UGGT2: variants seen among roughly 807,000 people sequenced by gnomAD.
The protein encoded by UGGT2 is UDP-glucose glycoprotein glucosyltransferase 2.
UGGT2 carries 180 observed loss-of-function variants against 192.1 expected under a neutral mutation model. That is an observed-to-expected ratio of 0.94 (90% confidence interval 0.83 to 1.06). The LOEUF is 1.06. UGGT2 is among the 50% of genes least tolerant of loss of function. The pLI is 0.00. For synonymous variants in UGGT2, 580 were observed against 591.0 expected, an observed-to-expected ratio of 0.98 and a Z score of 0.27; for missense variants, 1,849 against 1,795.7, an observed-to-expected ratio of 1.03 and a Z score of -0.54.
intron 12 of UGGT2, among the ~76,000 whole-genome samples, chr13:95,961,006 A>G (rs1192934742): frequency 6.6e-6 from 1 of 152,226 alleles, no homozygotes; most frequent in African/African-American, 2.4e-5. Context: ...ATTCTTCACC[A>G]CTAGACCAGC....
intron 12 of UGGT2, among the ~76,000 whole-genome samples, chr13:95,968,358 C>T (rs1301379566): frequency 2.0e-5 from 3 of 152,046 alleles, no homozygotes; most frequent in East Asian, 1.9e-4. Flanking sequence ...GCTAAGTATA[C>T]GAATGGATTA....
chr13:95,877,811 G>C lies in UGGT2; in HGVS notation c.3274C>G (p.Leu1092Val), dbSNP rs2047384522. The change falls in exon 28 of 39, where the codon CTG becomes GTG. Residue 1092 changes from leucine to valine, a missense_variant. Physicochemically the swap from Leu to Val is conservative, Grantham distance 32. Coordinates refer to ENST00000376747, the MANE Select transcript of UGGT2 (RefSeq NM_020121.4). ...TAEYELEYLL[L>V]EGQCFDKVTE... ...ACTTTATCAAAGCATTGTCCTTCCA[G>C]TAGTAAGTATTCTAGTTCATATTCT... The C allele has an allele frequency of 6.2e-7, 1 of 1,613,962 alleles. No individual in the cohort carries two copies.
chr13:95,950,588 G>C (rs111679627), intron 12 of UGGT2, among the ~76,000 whole-genome samples: 2,848 of 37,746 alleles, frequency 0.075, 99 homozygotes, highest in African/African-American at 0.18. Context: ...ATATTGAAAT[G>C]AAACAGGAAA....
rs1167504149 is a variant in UGGT2, at chr13:95,927,327, T to G, written c.1987A>C (p.Asn663His). 3 of 1,602,362 alleles carry G rather than the reference T, an allele frequency of 1.9e-6. No individual in the cohort carries two copies. The Admixed American group carries it at 5.3e-5, about 28-fold the overall frequency. ...AAATCAATTGCATTCGTGCGATCATTTAATGTGCCCTAAAAAAACAAAAAT... is the reference window on the plus strand; with the variant it reads ...AAATCAATTGCATTCGTGCGATCATGTAATGTGCCCTAAAAAAACAAAAAT... Reference protein sequence around the residue: ...LQREVFLGTLNDRTNAIDFLM... With the variant: ...LQREVFLGTLHDRTNAIDFLM... The change falls in exon 18 of 39, where the codon AAT becomes CAT. Residue 663 changes from asparagine to histidine, a missense_variant. By Grantham distance (68) the Asn-to-His change is moderately conservative. Transcript: ENST00000376747.
At chr13:96,023,896 G>T in intron 2 of UGGT2, 137 bp from the exon 3 acceptor site, 1 of 628,574 alleles carries the variant, frequency 1.6e-6, no homozygotes, top group African/African-American at 1.9e-5. Flanking sequence ...GAGAAAAATG[G>T]AAAAATCAAG....
At chr13:96,009,898 A>G (rs567762707) in intron 5 of UGGT2, among the ~76,000 whole-genome samples, 1 of 152,202 alleles carries the variant, frequency 6.6e-6, no homozygotes, top group African/African-American at 2.4e-5. Context: ...AAATATGCTC[A>G]ATATTACTAA....
chr13:95,956,209 C>G (rs2050207165), intron 12 of UGGT2, among the ~76,000 whole-genome samples: 1 of 152,016 alleles, frequency 6.6e-6, no homozygotes, highest in African/African-American at 2.4e-5. Context: ...AGAATAAGGA[C>G]AGACATACAG....
chr13:95,975,062 T>C (rs187161134), intron 10 of UGGT2, among the ~76,000 whole-genome samples: 173 of 152,186 alleles, frequency 1.1e-3, no homozygotes, highest in Non-Finnish European at 2.0e-3. Context: ...TCCTGGATGA[T>C]AGAGCGATAC....
intron 4 of UGGT2, among the ~76,000 whole-genome samples, chr13:96,017,941 T>C (rs553981962): frequency 1.3e-5 from 2 of 152,278 alleles, no homozygotes; most frequent in African/African-American, 4.8e-5. Flanking sequence ...TTACAGTATC[T>C]CCAAAAATAT....
intron 20 of UGGT2, among the ~76,000 whole-genome samples, chr13:95,917,206 T>C (rs1490257432): frequency 6.6e-6 from 1 of 152,134 alleles, no homozygotes; most frequent in Non-Finnish European, 1.5e-5. Context: ...ACCTCTCAGC[T>C]GAAACCCTCC....
chr13:95,808,274 G>C (rs1594050100), intron 38 of UGGT2, among the ~76,000 whole-genome samples: 1 of 152,086 alleles, frequency 6.6e-6, no homozygotes, highest in South Asian at 2.1e-4. Flanking sequence ...AAGGCTTGGG[G>C]GTTAGCAGCT....
intron 38 of UGGT2, among the ~76,000 whole-genome samples, chr13:95,817,210 G>A (rs1884995201): frequency 6.6e-6 from 1 of 152,150 alleles, no homozygotes; most frequent in Non-Finnish European, 1.5e-5. Flanking sequence ...AAATCAAAGT[G>A]TAACATAAGA....
At chr13:96,015,277 C>CAA (rs35384365) in intron 4 of UGGT2, among the ~76,000 whole-genome samples, 1 of 111,238 alleles carries the variant, frequency 9.0e-6, no homozygotes, top group African/African-American at 3.4e-5. Flanking sequence ...GACTCCGTCT[C>CAA]AAAAAAAAAA....
At chr13:95,833,896 T>C (rs550098144) in intron 37 of UGGT2, among the ~76,000 whole-genome samples, 3 of 152,322 alleles carry the variant, frequency 2.0e-5, no homozygotes, top group South Asian at 2.1e-4. Flanking sequence ...AGGAAGCAAC[T>C]TGAAGCTCAC....
intron 38 of UGGT2, among the ~76,000 whole-genome samples, chr13:95,805,631 A>C (rs2139726902): frequency 6.6e-6 from 1 of 152,330 alleles, no homozygotes; most frequent in Non-Finnish European, 1.5e-5. Context: ...CACATGTTAC[A>C]ACATGAATAA....
chr13:96,042,349 C>T (rs1490230890), intron 1 of UGGT2, among the ~76,000 whole-genome samples: 1 of 152,144 alleles, frequency 6.6e-6, no homozygotes, highest in Non-Finnish European at 1.5e-5. Context: ...CTCTATGGGA[C>T]AAAAGAATCT....
rs546486547 is a variant in UGGT2 at position 95,905,569 on chromosome 13, C to T, written c.2296-2509G>A. ...TAAATAGGGAATCCTTTCCCCATTGCTTGTTTTTCTCAGGTTTGTCAAAGA... is the reference window on the plus strand; with the variant it reads ...TAAATAGGGAATCCTTTCCCCATTGTTTGTTTTTCTCAGGTTTGTCAAAGA... On this transcript the variant is annotated intron_variant, in intron 20 of 38. Coordinates refer to ENST00000376747, the MANE Select transcript of UGGT2 (RefSeq NM_020121.4). Among the ~76,000 whole-genome samples, 1,426 of 151,802 alleles carry T rather than the reference C, an allele frequency of 9.4e-3. 11 individuals are homozygous for T. Among genetic ancestry groups the T allele is most frequent in the Non-Finnish European group, 0.015 (1,014 of 67,864 alleles).
At chr13:95,818,676 T>C (rs1885177011) in intron 38 of UGGT2, among the ~76,000 whole-genome samples, 1 of 152,070 alleles carries the variant, frequency 6.6e-6, no homozygotes, top group Admixed American at 6.6e-5. Context: ...TGATGTAGCT[T>C]GAACAGGGCA....
intron 17 of UGGT2, among the ~76,000 whole-genome samples, chr13:95,929,303 TTTTA>T (rs1432003436): frequency 1.4e-4 from 22 of 152,354 alleles, no homozygotes; most frequent in African/African-American, 4.8e-4. Context: ...GAATTTCAGC[TTTTA>T]TTTTAGATTC....
Sources: gnomAD v4.1 joint callset for allele counts (sites outside exome capture counted in the v4.1 genomes callset) on GRCh38, gnomAD v4.1.1 for gene constraint, MANE v1.5 for transcripts, NCBI Gene and HGNC (gene_info 2026-07-23, HGNC 2026-07-21) for gene names.